The following SLC12A5 variants were observed in gnomAD, a reference collection of about 807,000 sequenced individuals.
The protein encoded by SLC12A5 is K-Cl cotransporter 2.
SLC12A5 carries 18 observed loss-of-function variants against 124.0 expected under a neutral mutation model. The ratio of observed to expected loss-of-function variants is 0.15; its 90% confidence interval spans 0.10 to 0.22. SLC12A5 has a LOEUF of 0.22. Among genes scored for constraint, SLC12A5 ranks in the 10% least tolerant of loss-of-function variants. The pLI is 1.00. For missense variants in SLC12A5, 867 were observed against 1,478.7 expected, an observed-to-expected ratio of 0.59 and a Z score of 6.78; for synonymous variants, 589 against 568.0, an observed-to-expected ratio of 1.04 and a Z score of -0.53.
Position 46,053,847 on chromosome 20 carries a change from C to T in SLC12A5, c.2679+138C>T. ...CCCTCATCCATCTCTTAGCCTCTCACATATTCAGCCATCCCTCCCTTCTCT... is the reference window on the plus strand; with the variant it reads ...CCCTCATCCATCTCTTAGCCTCTCATATATTCAGCCATCCCTCCCTTCTCT... On this transcript the variant is annotated intron_variant, in intron 20 of 25. Coordinates refer to ENST00000243964, the MANE Select transcript of SLC12A5 (RefSeq NM_020708.5). The surrounding 1 kb of genome is among the most constrained non-coding windows in gnomAD (Gnocchi z 4.7). The T allele has an allele frequency of 5.1e-6, 5 of 972,112 alleles. No homozygotes were observed. The highest frequency in any genetic ancestry group is 7.3e-6 in the Non-Finnish European group (5 of 688,782). 60.2% of individuals were successfully genotyped at this position (972,112 alleles called of 1,614,324 possible).
At position 46,057,237 on chromosome 20, in the gene SLC12A5, C is replaced by G. The variant is rs774675766; in HGVS notation, c.3193C>G (p.Arg1065Gly). 1 of 1,614,222 alleles carries G rather than the reference C, an allele frequency of 6.2e-7. No homozygotes were observed. Reference sequence around the variant, plus strand: ...GAACGAGGTCATCGTGAAGAAATCCCGGGACGCCAAGCTTGTTTTGCTCAA... The same window carrying G: ...GAACGAGGTCATCGTGAAGAAATCCGGGGACGCCAAGCTTGTTTTGCTCAA... ...RLNEVIVKKS[R>G]DAKLVLLNMP... Residue 1065 changes from arginine (R) to glycine (G), a missense_variant, in exon 25 of 26, where the codon CGG becomes GGG. By Grantham distance (125) the Arg-to-Gly change is moderately radical. Transcript: ENST00000243964. The surrounding 1 kb of genome is among the most constrained non-coding windows in gnomAD (Gnocchi z 7.1).
Position 46,042,771 on chromosome 20 carries a change from G to A in SLC12A5, c.1067-382G>A, listed in dbSNP as rs567159585. ...GGAAGGGGAGAGGGAGCAGTGTAGG[G>A]CAGGGTGTCAGAATTGATGATGGTG... On this transcript the variant is annotated intron_variant, in intron 8 of 25. Coordinates refer to ENST00000243964, the MANE Select transcript of SLC12A5 (RefSeq NM_020708.5). Among the ~76,000 whole-genome samples the A allele has an allele frequency of 5.3e-5, 8 of 152,174 alleles. No homozygotes were observed. In the South Asian group the frequency reaches 1.7e-3, roughly 32 times the overall value.
rs112641038 is a variant in SLC12A5 at position 46,058,448 on chromosome 20, C to T, written c.*843C>T. On this transcript the variant is annotated 3_prime_UTR_variant, in exon 26 of 26. Coordinates refer to ENST00000243964, the MANE Select transcript of SLC12A5 (RefSeq NM_020708.5). This position sits in a 1 kb window ranked among gnomAD's most constrained non-coding sequence, Gnocchi z 5.8. ...GGTCCAACTTTTCCTGGATTCGCCT[C>T]CCAGCGGACGTGAGCTTCCACTGCG... The T allele has an allele frequency of 2.8e-3, 1,112 of 399,136 alleles. 14 individuals are homozygous for T. Among genetic ancestry groups the T allele is most frequent in the African/African-American group, 0.021 (1,034 of 48,766 alleles). 24.7% of individuals were successfully genotyped at this position (399,136 alleles called of 1,614,324 possible). A position where few individuals can be genotyped will look rare whatever the true frequency, so the allele number is the denominator to read the frequency against.
intron 1 of SLC12A5, chr20:46,022,606 T>A (rs2084364693): frequency 2.6e-6 from 1 of 382,304 alleles, no homozygotes; most frequent in Non-Finnish European, 4.6e-6. Flanking sequence ...GCAGCGAGAT[T>A]CAGGGAGGAT....
chr20:46,058,954 C>A lies in SLC12A5; in HGVS notation c.*1349C>A. The stretch of plus-strand genomic sequence containing the variant: ...GGCCTGAGGGAGGGCTGGAGTCGCA[C>A]GCGCTTTGTCCTTAGCGCCTGTCTG... On this transcript the variant is annotated 3_prime_UTR_variant, in exon 26 of 26. Transcript: ENST00000243964. This position sits in a 1 kb window ranked among gnomAD's most constrained non-coding sequence, Gnocchi z 5.8. 2.6e-6 allele frequency: 1 copy of A among 387,742 alleles called. No homozygotes were observed. The highest frequency in any genetic ancestry group is 4.5e-6 in the Non-Finnish European group (1 of 219,822). The allele number at this position is 387,742 out of a possible 1,614,324, so 24.0% of individuals were successfully genotyped here.
rs777153459 is a variant in SLC12A5 at position 46,057,133 on chromosome 20, C to T, written c.3126-37C>T. The T allele has an allele frequency of 1.9e-5, 31 of 1,611,892 alleles. No homozygotes were observed. The highest frequency in any genetic ancestry group is 3.3e-5 in the Admixed American group (2 of 59,988). On this transcript the variant is annotated intron_variant, in intron 24 of 25. Transcript: ENST00000243964. The surrounding 1 kb of genome is among the most constrained non-coding windows in gnomAD (Gnocchi z 7.1). ...CTGGCTCCAATCTTCTCTACCCCCCCGGCTCACGCGGTCTCCACTCCTCCT... is the reference window on the plus strand; with the variant it reads ...CTGGCTCCAATCTTCTCTACCCCCCTGGCTCACGCGGTCTCCACTCCTCCT...
At chr20:46,029,061 C>T, upstream of SLC12A5, 1 of 1,202,968 alleles carries the variant, frequency 8.3e-7, no homozygotes, top group Non-Finnish European at 1.1e-6. Context: ...CTCATCTTCT[C>T]TTCTCTCTCC....
chr20:46,037,277 T>G lies in SLC12A5; in HGVS notation c.504T>G (p.Ile168Met). 6.2e-7 allele frequency: 1 copy of G among 1,608,632 alleles called. No individual in the cohort carries two copies. Among genetic ancestry groups the G allele is most frequent in the Non-Finnish European group, 8.5e-7 (1 of 1,177,446 alleles). The change falls in exon 6 of 26, where the codon ATT becomes ATG. Residue 168 changes from isoleucine to methionine, a missense_variant. Physicochemically the swap from Ile to Met is conservative, Grantham distance 10 (BLOSUM62 1). This residue lies in a region of SLC12A5 where 126 missense variants were observed against 291.6 expected (regional missense o/e 0.43). Coordinates refer to ENST00000243964, the MANE Select transcript of SLC12A5 (RefSeq NM_020708.5). ...CAGCTGGTGGCTCCTACTACATGAT[T>G]TCCAGGTCTCTGGGCCCAGAGTTTG... The part of the protein sequence containing the change: ...VVPAGGSYYM[I>M]SRSLGPEFGG...
downstream of SLC12A5, among the ~76,000 whole-genome samples, chr20:46,023,803 G>C (rs1213085196): frequency 6.6e-6 from 1 of 152,124 alleles, no homozygotes; most frequent in African/African-American, 2.4e-5. Flanking sequence ...TCCTCCATTG[G>C]AACATCTCAA....
Position 46,051,823 on chromosome 20 carries a change from G to A in SLC12A5, c.2330G>A (p.Arg777His), listed in dbSNP as rs749336515. 46 of 1,574,192 alleles carry A rather than the reference G, an allele frequency of 2.9e-5. No homozygotes were observed. The Admixed American group carries it at 6.3e-4, about 22-fold the overall frequency. Reference sequence around the variant, plus strand: ...AACACTGTGCTTGTTGGCTGGCCCCGCAACTGGCGCCAGAAGGAAGATCAT... The same window carrying A: ...AACACTGTGCTTGTTGGCTGGCCCCACAACTGGCGCCAGAAGGAAGATCAT... ...QHNTVLVGWP[R>H]NWRQKEDHQT... is the part of the protein sequence containing the mutation. The change falls in exon 18 of 26, where the codon CGC (arginine) becomes CAC (histidine). Residue 777 changes from arginine (R) to histidine (H), a missense_variant. By Grantham distance (29) the Arg-to-His change is conservative. Transcript: ENST00000243964.
chr20:46,022,780 T>G (rs945233452), intron 1 of SLC12A5: 3 of 398,660 alleles, frequency 7.5e-6, no homozygotes, highest in Non-Finnish European at 1.3e-5. Flanking sequence ...GCACAGAGTA[T>G]AGGGGAGGGG....
rs1044931122 is a variant in SLC12A5, at chr20:46,030,521, A to AC, written c.52+1131dup. On this transcript the variant is annotated intron_variant, in intron 1 of 25. Coordinates refer to ENST00000243964, the MANE Select transcript of SLC12A5 (RefSeq NM_020708.5). Reference sequence around the variant, plus strand: ...TCCATCACGGCTGTCAGCCACCCCCACCCCCCACTCTCCAGCGGCGCTGCG... The same window carrying AC: ...TCCATCACGGCTGTCAGCCACCCCCACCCCCCCACTCTCCAGCGGCGCTGCG... 7.0e-4 allele frequency among the ~76,000 whole-genome samples: 15 copies of AC among 21,452 alleles called. 1 individual carries two copies. The highest frequency in any genetic ancestry group is 2.8e-3 in the African/African-American group (15 of 5,424). The allele number at this position is 21,452 out of a possible 152,430, so 14.1% of individuals were successfully genotyped here.
intron 1 of SLC12A5, among the ~76,000 whole-genome samples, chr20:46,032,915 A>C (rs2084466269): frequency 6.6e-6 from 1 of 152,156 alleles, no homozygotes; most frequent in Admixed American, 6.5e-5. Context: ...TTAGCTCCAA[A>C]GACTTTTCCT....
chr20:46,035,855 C>T lies in SLC12A5; in HGVS notation c.358C>T (p.Leu120Phe). The change falls in exon 4 of 26, where the codon CTC (leucine) becomes TTC (phenylalanine). Residue 120 changes from leucine (L) to phenylalanine (F), a missense_variant. Physicochemically the swap from Leu to Phe is conservative, Grantham distance 22. Transcript: ENST00000243964. ...NIFGVILFLR[L>F]TWVVGIAGIM... Reference sequence around the variant, plus strand: ...CTTTGGCGTCATCCTCTTCCTGCGGCTCACCTGGGTGGTGGGCATTGCAGG... The same window carrying T: ...CTTTGGCGTCATCCTCTTCCTGCGGTTCACCTGGGTGGTGGGCATTGCAGG... 6.2e-7 allele frequency: 1 copy of T among 1,614,162 alleles called. No homozygotes were observed. The highest frequency in any genetic ancestry group is 8.5e-7 in the Non-Finnish European group (1 of 1,179,992).
rs534975312 is a variant in SLC12A5 at position 46,052,360 on chromosome 20, T to C, written c.2377+490T>C. On this transcript the variant is annotated intron_variant, in intron 18 of 25. Coordinates refer to ENST00000243964, the MANE Select transcript of SLC12A5 (RefSeq NM_020708.5). ...TCAGTCCTAGGAGGGCTACGCATTG[T>C]TATCTCCATCTTTTTTGATGTGAAA... 1.4e-4 allele frequency among the ~76,000 whole-genome samples: 21 copies of C among 152,386 alleles called. No individual in the cohort carries two copies. In the East Asian group the frequency reaches 4.0e-3, roughly 29 times the overall value.
At position 46,022,804 on chromosome 20, in the gene SLC12A5, G is replaced by A. The variant is rs1398542227; in HGVS notation, c.49-126G>A. ...ATAGGGGAGGGGAAAGATCCTTCTGGCCTTCGGTGGAGAAGTAGCATCCTG... is the reference window on the plus strand; with the variant it reads ...ATAGGGGAGGGGAAAGATCCTTCTGACCTTCGGTGGAGAAGTAGCATCCTG... On this transcript the variant is annotated intron_variant, in intron 1 of 2. Transcript: ENST00000413737. 18 of 399,036 alleles carry A rather than the reference G, an allele frequency of 4.5e-5. No individual in the cohort carries two copies. In the East Asian group the frequency reaches 6.4e-4, roughly 14 times the overall value. 24.7% of individuals were successfully genotyped at this position (399,036 alleles called of 1,614,324 possible).
upstream of SLC12A5, among the ~76,000 whole-genome samples, chr20:46,027,105 G>C (rs1400727393): frequency 1.3e-5 from 2 of 152,228 alleles, no homozygotes; most frequent in African/African-American, 4.8e-5. Context: ...TGCTGCTGCT[G>C]CTGCTAGTGC....
chr20:46,041,807 A>G (rs1398444419), intron 8 of SLC12A5, among the ~76,000 whole-genome samples: 1 of 152,254 alleles, frequency 6.6e-6, no homozygotes, highest in Admixed American at 6.5e-5. Flanking sequence ...GCTGAGTGCT[A>G]GGAACACAAA....
intron 1 of SLC12A5, among the ~76,000 whole-genome samples, chr20:46,033,069 G>A (rs556304767): frequency 5.6e-4 from 85 of 152,292 alleles, no homozygotes; most frequent in African/African-American, 2.0e-3. Flanking sequence ...CAGAAGACTG[G>A]GTGGTGGGTT....
Sources: gnomAD v4.1 joint callset for allele counts (sites outside exome capture counted in the v4.1 genomes callset) on GRCh38, gnomAD v4.1.1 for gene constraint, gnomAD v4.1.1 regional missense constraint, Gnocchi (gnomAD v3.1) non-coding constraint, MANE v1.5 for transcripts, NCBI Gene and HGNC (gene_info 2026-07-23, HGNC 2026-07-21) for gene names.